Variants in OR52I2 observed in about 807,000 individuals in gnomAD.
The protein encoded by OR52I2 is olfactory receptor 52I2.
For synonymous variants in OR52I2, 147 were observed against 151.9 expected, an observed-to-expected ratio of 0.97 and a Z score of 0.24; for missense variants, 350 against 402.4, an observed-to-expected ratio of 0.87 and a Z score of 1.11.
exon 2 of OR52I2, chr11:4,588,135 G>C (rs965463644): frequency 2.3e-6 from 1 of 431,402 alleles, no homozygotes; most frequent in Non-Finnish European, 4.2e-6. Context: ...CTTTAGGAAT[G>C]TGCTAGGTTA....
chr11:4,588,871 T>C lies in OR52I2; in HGVS notation c.*1006T>C, dbSNP rs368747326. The C allele has an allele frequency of 3.3e-5, 5 of 152,240 alleles. No homozygotes were observed. In the East Asian group the frequency reaches 7.7e-4, roughly 23 times the overall value. 9.4% of individuals were successfully genotyped at this position (152,240 alleles called of 1,614,324 possible). A position where few individuals can be genotyped will look rare whatever the true frequency, so the allele number is the denominator to read the frequency against. The stretch of plus-strand genomic sequence containing the variant: ...TCAGCTTTCATCTATAAGATGTTGA[T>C]GTGATGATGGCAGCTACTTCAGGAG... On this transcript the variant is annotated 3_prime_UTR_variant, in exon 2 of 2. Transcript: ENST00000641896.
At chr11:4,588,135 G>A (rs965463644) in exon 2 of OR52I2, 1 of 431,520 alleles carries the variant, frequency 2.3e-6, no homozygotes, top group East Asian at 4.4e-5. Flanking sequence ...CTTTAGGAAT[G>A]TGCTAGGTTA....
At chr11:4,586,380 TTC>T (rs146710699) in intron 1 of OR52I2, among the ~76,000 whole-genome samples, 5,722 of 152,328 alleles carry the variant, frequency 0.038, 138 homozygotes, top group Non-Finnish European at 0.061. Flanking sequence ...ACAGATTCAT[TTC>T]TCTGTTTATC....
exon 2 of OR52I2, chr11:4,590,756 CCT>C (rs1336436415): frequency 3.3e-5 from 5 of 152,102 alleles, no homozygotes; most frequent in East Asian, 1.9e-4. Flanking sequence ...TCAAGCATAC[CCT>C]GATTTTTTCT....
chr11:4,588,371 G>T (rs182958655), exon 2 of OR52I2: 1 of 158,622 alleles, frequency 6.3e-6, no homozygotes, highest in African/African-American at 2.4e-5. Flanking sequence ...GCTTGTGCCT[G>T]TTGACTCTTT....
At chr11:4,587,475 C>A (rs1222732602) in exon 2 of OR52I2, 1 of 1,614,180 alleles carries the variant, frequency 6.2e-7, no homozygotes, top group Admixed American at 1.7e-5. Context: ...CATGTGCTGA[C>A]CCCGTGCCCA....
chr11:4,585,067 T>A (rs569624073), intron 1 of OR52I2, among the ~76,000 whole-genome samples: 7 of 152,332 alleles, frequency 4.6e-5, no homozygotes, highest in African/African-American at 1.7e-4. Context: ...ATCTCCTTTT[T>A]ATGGATGAAG....
At chr11:4,591,971 G>A (rs1274042186) in exon 2 of OR52I2, 1 of 152,206 alleles carries the variant, frequency 6.6e-6, no homozygotes, top group Non-Finnish European at 1.5e-5. Context: ...CACAGCCACT[G>A]GGTGAGACAT....
chr11:4,581,889 G>C lies in OR52I2; in HGVS notation c.-20+25G>C, dbSNP rs896846533. 2.0e-5 allele frequency: 3 copies of C among 152,230 alleles called. No individual in the cohort carries two copies. The East Asian group carries it at 5.8e-4, about 29-fold the overall frequency. 9.4% of individuals were successfully genotyped at this position (152,230 alleles called of 1,614,324 possible). ...TGTAGGTAACTGACCTGGGAATCAG[G>C]TGTTGGGCTGATAGAGATCGAATGT... On this transcript the variant is annotated intron_variant, in intron 1 of 1. Coordinates refer to ENST00000641896, the Ensembl canonical transcript of OR52I2.
exon 2 of OR52I2, chr11:4,587,910 A>G (rs1217191408): frequency 5.4e-6 from 8 of 1,480,290 alleles, no homozygotes; most frequent in African/African-American, 1.4e-5. Flanking sequence ...GATGCCTTAG[A>G]GATCTGCAGA....
chr11:4,582,910 A>G (rs907694378), intron 1 of OR52I2, among the ~76,000 whole-genome samples: 7 of 152,130 alleles, frequency 4.6e-5, no homozygotes, highest in African/African-American at 1.7e-4. Context: ...GTATATCTTG[A>G]TTTGTTCCTA....
chr11:4,591,626 C>G (rs148872421), exon 2 of OR52I2: 1 of 148,380 alleles, frequency 6.7e-6, no homozygotes, highest in Non-Finnish European at 1.5e-5. Context: ...CATATGCCCA[C>G]GTCCTAAGGA....
At chr11:4,586,133 T>A (rs1846298679) in intron 1 of OR52I2, among the ~76,000 whole-genome samples, 1 of 152,196 alleles carries the variant, frequency 6.6e-6, no homozygotes, top group Non-Finnish European at 1.5e-5. Flanking sequence ...CAGGGCAAAG[T>A]TTAGAGAAGG....
In OR52I2 at chr11:4,587,782, G is replaced by A. The variant is rs780889959; in HGVS notation, c.892G>A (p.Gly298Ser). The change falls in exon 2 of 2, where the codon GGC (glycine) becomes AGC (serine). Residue 298 changes from glycine (G) to serine (S), a missense_variant. Coordinates refer to ENST00000641896, the Ensembl canonical transcript of OR52I2. ...AGCCACCTTAAATCCCATCATCTAT[G>A]GCATGAGGACCAAACAACTGCGGGA... 3.7e-6 allele frequency: 6 copies of A among 1,613,966 alleles called. No homozygotes were observed. The African/African-American group carries it at 5.3e-5, about 14-fold the overall frequency.
chr11:4,591,517 T>C (rs1428137872), exon 2 of OR52I2: 1 of 152,208 alleles, frequency 6.6e-6, no homozygotes, highest in Non-Finnish European at 1.5e-5. Flanking sequence ...GCCCTTGAGA[T>C]ACAATACTAG....
intron 1 of OR52I2, among the ~76,000 whole-genome samples, chr11:4,584,911 A>G (rs1253341600): frequency 6.6e-6 from 1 of 152,222 alleles, no homozygotes; most frequent in East Asian, 1.9e-4. Flanking sequence ...GCAGCAATCT[A>G]AAAGTATGGG....
exon 2 of OR52I2, chr11:4,589,544 C>A (rs747375110): frequency 1.3e-5 from 2 of 152,042 alleles, no homozygotes; most frequent in Non-Finnish European, 2.9e-5. Flanking sequence ...ACAGGGCTGT[C>A]TAGGTGTGGT....
At chr11:4,587,903 G>T (rs553821577) in exon 2 of OR52I2, 2 of 1,537,850 alleles carry the variant, frequency 1.3e-6, no homozygotes, top group South Asian at 1.2e-5. Flanking sequence ...TTTCAAAGAT[G>T]CCTTAGAGAT....
chr11:4,586,355 G>A lies in OR52I2; in HGVS notation c.-19-517G>A, dbSNP rs76002551. Among the ~76,000 whole-genome samples the A allele has an allele frequency of 2.8e-3, 424 of 152,152 alleles. 5 individuals are homozygous for A. The highest frequency in any genetic ancestry group is 0.02 in the East Asian group (103 of 5,178). ...TTCATATAACAACTAGTAACTGAGC[G>A]TACAGAGATGAAAGACAGATTCATT... On this transcript the variant is annotated intron_variant, in intron 1 of 1. Coordinates refer to ENST00000641896, the Ensembl canonical transcript of OR52I2.
Sources: gnomAD v4.1 joint callset for allele counts (sites outside exome capture counted in the v4.1 genomes callset) on GRCh38, gnomAD v4.1.1 for gene constraint, MANE v1.5 for transcripts, NCBI Gene and HGNC (gene_info 2026-07-23, HGNC 2026-07-21) for gene names.